Variants in TMEM68 observed in about 807,000 individuals in gnomAD.
TMEM68 encodes the protein transmembrane protein 68, also known as DGAT1/2-independent enzyme synthesizing storage lipids.
TMEM68 carries 25 observed loss-of-function variants against 36.9 expected under a neutral mutation model. The observed-to-expected ratio is 0.68, with a 90% CI of 0.49 to 0.95. The LOEUF (loss-of-function observed/expected upper bound fraction) is 0.95, where lower values mean the gene tolerates loss of function less well. Ranked by LOEUF, TMEM68 falls within the 40% of genes least tolerant of loss-of-function variation. TMEM68 has a pLI of 0.00. For synonymous variants in TMEM68, 131 were observed against 124.4 expected, an observed-to-expected ratio of 1.05 and a Z score of -0.35; for missense variants, 333 against 392.0, an observed-to-expected ratio of 0.85 and a Z score of 1.27.
intron 4 of TMEM68, among the ~76,000 whole-genome samples, chr8:55,752,001 G>C (rs1471967128): frequency 6.6e-6 from 1 of 152,158 alleles, no homozygotes; most frequent in Non-Finnish European, 1.5e-5. Flanking sequence ...TTGCGGTCAG[G>C]AGTTCAAGAC....
chr8:55,752,172 C>T lies in TMEM68; in HGVS notation c.494-1015G>A, dbSNP rs139956185. Among the ~76,000 whole-genome samples the T allele has an allele frequency of 1.2e-3, 187 of 151,970 alleles. 1 individual carries two copies. Among genetic ancestry groups the T allele is most frequent in the African/African-American group, 4.3e-3 (179 of 41,444 alleles). On this transcript the variant is annotated intron_variant, in intron 4 of 7. Coordinates refer to ENST00000434581, the MANE Select transcript of TMEM68 (RefSeq NM_001286657.2). The stretch of plus-strand genomic sequence containing the variant: ...GCAGTGAGCCAAAATTGTGTCACTG[C>T]ACTGCAGCCTGGGCAACAGAGCAAG...
chr8:55,755,486 G>A (rs138271970), intron 4 of TMEM68, among the ~76,000 whole-genome samples: 2,455 of 151,852 alleles, frequency 0.016, 77 homozygotes, highest in African/African-American at 0.057. Context: ...TGGCCAGGCT[G>A]GTTTTGAACT....
chr8:55,749,956 CCTT>C (rs1810383676), intron 5 of TMEM68, among the ~76,000 whole-genome samples: 1 of 152,048 alleles, frequency 6.6e-6, no homozygotes, highest in African/African-American at 2.4e-5. Flanking sequence ...CTCTTTCAGT[CCTT>C]CTTCCAAGCA....
Position 55,749,472 on chromosome 8 carries a change from T to TAC in TMEM68, c.687+1490_687+1491dup, listed in dbSNP as rs1391329475. On this transcript the variant is annotated intron_variant, in intron 5 of 7. Coordinates refer to ENST00000434581, the MANE Select transcript of TMEM68 (RefSeq NM_001286657.2). ...TGTGCCACTTACAACTATACATATA[T>TAC]ACACATATATATTACTGAAAGACTT... Among the ~76,000 whole-genome samples, 4 of 152,210 alleles carry TAC rather than the reference T, an allele frequency of 2.6e-5. No individual in the cohort carries two copies. In the East Asian group the frequency reaches 7.7e-4, roughly 29 times the overall value.
intron 4 of TMEM68, among the ~76,000 whole-genome samples, chr8:55,754,535 T>A (rs1203949907): frequency 7.4e-6 from 1 of 134,576 alleles, no homozygotes; most frequent in Non-Finnish European, 1.6e-5. Flanking sequence ...TTACATATAC[T>A]TATATTATAT....
At chr8:55,752,388 A>T (rs1810447168) in intron 4 of TMEM68, among the ~76,000 whole-genome samples, 1 of 152,030 alleles carries the variant, frequency 6.6e-6, no homozygotes, top group Admixed American at 6.6e-5. Context: ...GGAGTTTGAG[A>T]CCAGCCTGGC....
At chr8:55,744,797 A>G (rs1810222181) in intron 6 of TMEM68, among the ~76,000 whole-genome samples, 1 of 152,218 alleles carries the variant, frequency 6.6e-6, no homozygotes, top group Non-Finnish European at 1.5e-5. Flanking sequence ...ATGGTTTAAA[A>G]CAATAAACTA....
intron 7 of TMEM68, among the ~76,000 whole-genome samples, chr8:55,740,655 G>A (rs941070891): frequency 2.0e-5 from 3 of 152,116 alleles, no homozygotes; most frequent in African/African-American, 4.8e-5. Context: ...GAAAAATTTC[G>A]AGTAGGCAAA....
chr8:55,748,650 A>C (rs1328210181), intron 5 of TMEM68, among the ~76,000 whole-genome samples: 1 of 152,076 alleles, frequency 6.6e-6, no homozygotes, highest in African/African-American at 2.4e-5. Flanking sequence ...ACTGTCGCCC[A>C]AGCTGGAACA....
At chr8:55,740,463 G>GCTGC (rs1399826109) in intron 7 of TMEM68, among the ~76,000 whole-genome samples, 4 of 150,280 alleles carry the variant, frequency 2.7e-5, no homozygotes, top group African/African-American at 7.3e-5. Context: ...ACTGTGCCTG[G>GCTGC]CTGCAGCATA....
rs1223381051 is a variant in TMEM68 at position 55,743,587 on chromosome 8, T to C, written c.782A>G (p.Tyr261Cys). 1.4e-5 allele frequency: 21 copies of C among 1,535,226 alleles called. No homozygotes were observed. The East Asian group carries it at 5.1e-4, about 38-fold the overall frequency. The change falls in exon 7 of 8, where the codon TAT becomes TGT. Residue 261 changes from tyrosine (Y) to cysteine (C), a missense_variant. Coordinates refer to ENST00000434581, the MANE Select transcript of TMEM68 (RefSeq NM_001286657.2). ...ACCTCCATACATTGGAGCAAATGGA[T>C]AGCGGAATTTTTCATAAAGCCACCT... ...LFRWLYEKFR[Y>C]PFAPMYGGFP... is the part of the protein sequence containing the mutation.
At position 55,762,414 on chromosome 8, in the gene TMEM68, T is replaced by C. The variant is rs568781307; in HGVS notation, c.325+221A>G. 2.9e-5 allele frequency: 20 copies of C among 696,666 alleles called. No individual in the cohort carries two copies. The African/African-American group carries it at 3.4e-4, about 12-fold the overall frequency. The allele number at this position is 696,666 out of a possible 1,614,324, so 43.2% of individuals were successfully genotyped here. On this transcript the variant is annotated intron_variant, in intron 3 of 7. Transcript: ENST00000434581. ...TATTTCAACTTATAGTCTACAGTGC[T>C]GCGTGGTTCTTTGTTTAATGGAAAC...
chr8:55,740,136 T>A lies in TMEM68; in HGVS notation c.971A>T (p.His324Leu). The A allele has an allele frequency of 1.2e-6, 2 of 1,612,182 alleles. No homozygotes were observed. The highest frequency in any genetic ancestry group is 2.2e-5 in the South Asian group (2 of 90,866). ...CTTCTAGTTGACCCTTTGTTATCAA[T>A]GAAAACGTTCTAACAAAGCACTCAT... ...NIMSALLERF[H>L] The change falls in exon 8 of 8, where the codon CAT becomes CTT. Residue 324 changes from histidine (H) to leucine (L), a missense_variant. His to Leu is a moderately conservative substitution (Grantham distance 99). Coordinates refer to ENST00000434581, the MANE Select transcript of TMEM68 (RefSeq NM_001286657.2).
chr8:55,768,603 G>T (rs1811048723), intron 1 of TMEM68, among the ~76,000 whole-genome samples: 1 of 152,070 alleles, frequency 6.6e-6, no homozygotes, highest in Non-Finnish European at 1.5e-5. Flanking sequence ...CCAACACTTT[G>T]GGAGGCCAAG....
intron 5 of TMEM68, chr8:55,745,853 C>T (rs1810254515): frequency 6.6e-6 from 1 of 152,162 alleles, no homozygotes; most frequent in Non-Finnish European, 1.5e-5. Flanking sequence ...TGAGCCACTG[C>T]ACCTGGCTCC....
chr8:55,742,805 G>GTT (rs201440317), intron 7 of TMEM68, among the ~76,000 whole-genome samples: 27 of 143,016 alleles, frequency 1.9e-4, no homozygotes, highest in African/African-American at 5.1e-4. Context: ...CATTTGTAGG[G>GTT]TTTTTTTTTT....
At chr8:55,757,396 C>G (rs1277363095) in intron 3 of TMEM68, among the ~76,000 whole-genome samples, 3 of 152,128 alleles carry the variant, frequency 2.0e-5, no homozygotes, top group Admixed American at 1.3e-4. Context: ...TGTAGAATCT[C>G]TGGAAGCCCC....
chr8:55,757,740 A>G (rs1810650946), intron 3 of TMEM68, among the ~76,000 whole-genome samples: 1 of 152,076 alleles, frequency 6.6e-6, no homozygotes. Flanking sequence ...AAGAAGCAAA[A>G]TATCTACCAC....
At chr8:55,755,964 G>A (rs944894178) in intron 4 of TMEM68, among the ~76,000 whole-genome samples, 2 of 151,484 alleles carry the variant, frequency 1.3e-5, no homozygotes, top group African/African-American at 4.8e-5. Flanking sequence ...ACATTATATT[G>A]TATGCCATAA....
Sources: allele counts gnomAD v4.1 joint callset (sites outside exome capture counted in the v4.1 genomes callset), GRCh38; gene constraint gnomAD v4.1.1; transcripts MANE v1.5; gene names NCBI Gene and HGNC (gene_info 2026-07-23, HGNC 2026-07-21).